ST6GALNAC5: variants seen among roughly 807,000 people sequenced by gnomAD.
ST6GALNAC5 encodes the protein ST6 N-acetylgalactosaminide alpha-2,6-sialyltransferase 5.
ST6GALNAC5 carries 27 observed loss-of-function variants against 33.6 expected under a neutral mutation model. That is an observed-to-expected ratio of 0.80 (90% confidence interval 0.59 to 1.11). ST6GALNAC5 has a LOEUF of 1.11. Ranked by LOEUF, ST6GALNAC5 falls within the 50% of genes least tolerant of loss-of-function variation. The probability of loss-of-function intolerance (pLI) is 0.00; values close to 1 mark genes in which losing one functional copy is unlikely to be tolerated. For missense variants in ST6GALNAC5, 428 were observed against 454.0 expected (o/e 0.94, Z 0.52); for synonymous variants, 194 against 171.2 (o/e 1.13, Z -1.04).
chr1:76,885,326 T>C (rs907251487), intron 2 of ST6GALNAC5, among the ~76,000 whole-genome samples: 5 of 152,164 alleles, frequency 3.3e-5, no homozygotes, highest in Non-Finnish European at 7.3e-5. Context: ...GGTATACTCA[T>C]TGTCTTCTCG....
intron 2 of ST6GALNAC5, among the ~76,000 whole-genome samples, chr1:77,013,157 C>T (rs996022131): frequency 2.6e-5 from 4 of 152,138 alleles, no homozygotes; most frequent in Non-Finnish European, 4.4e-5. Flanking sequence ...GCCAGCTGGT[C>T]CCCCAACTCA....
At chr1:76,954,769 G>A (rs1289268024) in intron 2 of ST6GALNAC5, among the ~76,000 whole-genome samples, 1 of 152,098 alleles carries the variant, frequency 6.6e-6, no homozygotes, top group East Asian at 1.9e-4. Flanking sequence ...CTAATTGGGT[G>A]GCCAGGAAGC....
At chr1:76,915,465 T>A (rs1440465234) in intron 2 of ST6GALNAC5, among the ~76,000 whole-genome samples, 1 of 152,160 alleles carries the variant, frequency 6.6e-6, no homozygotes, top group African/African-American at 2.4e-5. Flanking sequence ...GATGATAGAC[T>A]GGATTAAGAA....
intron 3 of ST6GALNAC5, 108 bp from the exon 4 acceptor site, chr1:77,050,150 G>A (rs1652171280): frequency 1.2e-6 from 1 of 838,520 alleles, no homozygotes; most frequent in South Asian, 1.6e-5. Flanking sequence ...GAGGAGAGAG[G>A]GAGAGACTCT....
chr1:76,908,081 A>G (rs1005347023), intron 2 of ST6GALNAC5, among the ~76,000 whole-genome samples: 6 of 151,776 alleles, frequency 4.0e-5, no homozygotes, highest in African/African-American at 1.2e-4. Context: ...ACCTTTTACC[A>G]TTTTCCTTAT....
intron 2 of ST6GALNAC5, among the ~76,000 whole-genome samples, chr1:76,896,872 GGGCTA>G (rs1241905935): frequency 6.6e-6 from 1 of 152,148 alleles, no homozygotes; most frequent in African/African-American, 2.4e-5. Context: ...GCAGACATGA[GGGCTA>G]GGCTAAAACA....
At chr1:77,026,150 T>G (rs1651224196) in intron 2 of ST6GALNAC5, among the ~76,000 whole-genome samples, 1 of 152,178 alleles carries the variant, frequency 6.6e-6, no homozygotes, top group South Asian at 2.1e-4. Context: ...TGGTTTATTT[T>G]AAAGGTCATG....
At chr1:77,044,051 C>T (rs138729670) in intron 2 of ST6GALNAC5, among the ~76,000 whole-genome samples, 153 bp from the exon 3 acceptor site, 15 of 152,200 alleles carry the variant, frequency 9.9e-5, no homozygotes, top group African/African-American at 1.4e-4. Context: ...CGCAAGGGTC[C>T]ATAAAGTAAT....
intron 2 of ST6GALNAC5, among the ~76,000 whole-genome samples, chr1:76,944,963 G>A (rs1647464326): frequency 6.6e-6 from 1 of 152,112 alleles, no homozygotes; most frequent in Non-Finnish European, 1.5e-5. Context: ...GCTCAGGACA[G>A]ACCATCCCAC....
intron 2 of ST6GALNAC5, among the ~76,000 whole-genome samples, chr1:76,909,995 G>A (rs1646895872): frequency 1.3e-5 from 2 of 151,988 alleles, no homozygotes; most frequent in South Asian, 2.1e-4. Context: ...ATATGCTTAG[G>A]AAAGTCAAGA....
At chr1:76,992,855 T>A (rs984117378) in intron 2 of ST6GALNAC5, among the ~76,000 whole-genome samples, 1 of 152,192 alleles carries the variant, frequency 6.6e-6, no homozygotes, top group African/African-American at 2.4e-5. Flanking sequence ...GATTCCTGTG[T>A]ATTTCCCAAA....
At chr1:77,016,290 GTA>G (rs1650847999) in intron 2 of ST6GALNAC5, among the ~76,000 whole-genome samples, 1 of 125,672 alleles carries the variant, frequency 8.0e-6, no homozygotes, top group African/African-American at 3.1e-5. Flanking sequence ...TCATCCTCCT[GTA>G]TCTCCTCCCC....
At chr1:77,027,656 G>A (rs968128632) in intron 2 of ST6GALNAC5, among the ~76,000 whole-genome samples, 6 of 152,086 alleles carry the variant, frequency 3.9e-5, no homozygotes, top group African/African-American at 1.4e-4. Context: ...TGTGACTCCC[G>A]GGTTTCTGGC....
intron 2 of ST6GALNAC5, among the ~76,000 whole-genome samples, chr1:77,030,971 A>G (rs1456757483): frequency 6.6e-6 from 1 of 152,160 alleles, no homozygotes; most frequent in Non-Finnish European, 1.5e-5. Context: ...CAGTCTGCCT[A>G]AGAGTTTCCA....
At chr1:76,922,253 A>G (rs1647041390) in intron 2 of ST6GALNAC5, among the ~76,000 whole-genome samples, 1 of 152,196 alleles carries the variant, frequency 6.6e-6, no homozygotes, top group Admixed American at 6.5e-5. Context: ...AAAACGTAAA[A>G]CATTTACAAT....
intron 2 of ST6GALNAC5, among the ~76,000 whole-genome samples, chr1:76,874,619 C>T (rs1653586044): frequency 6.6e-6 from 1 of 152,110 alleles, no homozygotes; most frequent in Admixed American, 6.6e-5. Context: ...AGACTAGGCC[C>T]ATCTCACCAT....
chr1:76,991,130 T>C (rs1649708573), intron 2 of ST6GALNAC5, among the ~76,000 whole-genome samples: 1 of 152,060 alleles, frequency 6.6e-6, no homozygotes, highest in Non-Finnish European at 1.5e-5. Context: ...AGTCCTCCTA[T>C]GATGGGGGGA....
At chr1:77,035,370 T>G (rs1332604745) in intron 2 of ST6GALNAC5, among the ~76,000 whole-genome samples, 3 of 152,236 alleles carry the variant, frequency 2.0e-5, no homozygotes, top group Admixed American at 2.0e-4. Flanking sequence ...TTTTTCACTT[T>G]GGGTTTACCT....
chr1:76,985,701 A>C (rs545544150), intron 2 of ST6GALNAC5, among the ~76,000 whole-genome samples: 36 of 152,110 alleles, frequency 2.4e-4, no homozygotes, highest in African/African-American at 8.4e-4. Flanking sequence ...ATTGCCAAGT[A>C]AATCCTAAGC....
Sources: gnomAD v4.1 joint callset for allele counts (sites outside exome capture counted in the v4.1 genomes callset) on GRCh38, gnomAD v4.1.1 for gene constraint, MANE v1.5 for transcripts, NCBI Gene and HGNC (gene_info 2026-07-23, HGNC 2026-07-21) for gene names.